ZNF521: variants seen among roughly 807,000 people sequenced by gnomAD.
ZNF521 encodes the protein LYST-interacting protein 3.
A neutral mutation model predicts 105.5 loss-of-function variants in ZNF521; 14 were observed. The observed-to-expected ratio is 0.13, with a 90% CI of 0.09 to 0.21. The LOEUF (loss-of-function observed/expected upper bound fraction) is 0.21, where lower values mean the gene tolerates loss of function less well. Among genes scored for constraint, ZNF521 ranks in the 10% least tolerant of loss-of-function variants. The pLI, the probability that ZNF521 is intolerant of heterozygous loss-of-function variation, is 1.00. For synonymous variants in ZNF521, 635 were observed against 606.0 expected, an observed-to-expected ratio of 1.05 and a Z score of -0.70; for missense variants, 1,233 against 1,629.7, an observed-to-expected ratio of 0.76 and a Z score of 4.19.
chr18:25,310,082 ACCT>A (rs1912211753), intron 3 of ZNF521, among the ~76,000 whole-genome samples: 1 of 152,082 alleles, frequency 6.6e-6, no homozygotes, highest in African/African-American at 2.4e-5. Flanking sequence ...CTGAATATCT[ACCT>A]CCTATTCTAG....
chr18:25,325,804 G>A (rs1913184793), intron 2 of ZNF521, among the ~76,000 whole-genome samples: 1 of 152,192 alleles, frequency 6.6e-6, no homozygotes, highest in Non-Finnish European at 1.5e-5. Flanking sequence ...ACAAAAGTAA[G>A]TGGCAGCTTT....
chr18:25,255,733 T>C (rs1908436030), intron 3 of ZNF521, among the ~76,000 whole-genome samples: 1 of 151,892 alleles, frequency 6.6e-6, no homozygotes, highest in African/African-American at 2.4e-5. Context: ...TAACATAGTA[T>C]CAGCTCACAA....
At chr18:25,276,933 A>G (rs1910066890) in intron 3 of ZNF521, among the ~76,000 whole-genome samples, 1 of 152,236 alleles carries the variant, frequency 6.6e-6, no homozygotes, top group Admixed American at 6.5e-5. Context: ...CTATAATCCC[A>G]GCACTTTGGG....
At chr18:25,146,682 A>G (rs2034950839) in intron 5 of ZNF521, among the ~76,000 whole-genome samples, 1 of 152,008 alleles carries the variant, frequency 6.6e-6, no homozygotes, top group African/African-American at 2.4e-5. Context: ...ATTATGCCAT[A>G]TCATTGTTTA....
intron 3 of ZNF521, among the ~76,000 whole-genome samples, chr18:25,248,989 G>T (rs1034535081): frequency 1.3e-5 from 2 of 152,148 alleles, no homozygotes; most frequent in South Asian, 4.1e-4. Context: ...GACTGGTTGT[G>T]ACAGAAACCA....
intron 2 of ZNF521, among the ~76,000 whole-genome samples, chr18:25,341,814 T>C (rs967670697): frequency 8.5e-5 from 13 of 152,160 alleles, no homozygotes; most frequent in South Asian, 2.1e-4. Context: ...GGAAAGTATG[T>C]AGACTCTCAT....
Position 25,226,736 on chromosome 18 carries a change from A to T in ZNF521, c.1182T>A (p.Thr394=), listed in dbSNP as rs1906167204. The change falls in exon 4 of 8, where the codon ACT becomes ACA. Residue 394 remains threonine (T), a synonymous_variant. Transcript: ENST00000361524. This position sits in a 1 kb window ranked among gnomAD's most constrained non-coding sequence, Gnocchi z 4.1. ...CTTTTGCTTGTTTACTCGAGGGACCAGTCATGTCAGGGGTTTGTTGAGCGG... is the reference window on the plus strand; with the variant it reads ...CTTTTGCTTGTTTACTCGAGGGACCTGTCATGTCAGGGGTTTGTTGAGCGG... ...KRAAQQTPDM[T]GPSSKQAKVT... is the part of the protein sequence containing the mutation. The T allele has an allele frequency of 1.9e-6, 3 of 1,614,154 alleles. No individual in the cohort carries two copies. Among genetic ancestry groups the T allele is most frequent in the Non-Finnish European group, 1.7e-6 (2 of 1,180,032 alleles).
chr18:25,265,184 C>T (rs1030007141), intron 3 of ZNF521, among the ~76,000 whole-genome samples: 2 of 152,178 alleles, frequency 1.3e-5, no homozygotes, highest in Admixed American at 6.5e-5. Context: ...GTTCTGAACA[C>T]TCACAAGTTG....
intron 5 of ZNF521, among the ~76,000 whole-genome samples, chr18:25,144,570 T>C (rs4393651): frequency 0.45 from 67,983 of 151,944 alleles, 15,395 homozygotes; most frequent in South Asian, 0.57. Flanking sequence ...TAAATCAAGA[T>C]GCTAACTGAA....
intron 5 of ZNF521, among the ~76,000 whole-genome samples, chr18:25,115,341 C>T (rs2034281297): frequency 6.6e-6 from 1 of 152,160 alleles, no homozygotes; most frequent in Admixed American, 6.5e-5. Flanking sequence ...AATCCTACTG[C>T]TGAAAGGTCT....
chr18:25,267,252 T>A (rs752243874), intron 3 of ZNF521, among the ~76,000 whole-genome samples: 4 of 152,088 alleles, frequency 2.6e-5, no homozygotes, highest in Non-Finnish European at 5.9e-5. Context: ...GCAGGGCATC[T>A]CTGAAAAAAA....
At chr18:25,287,253 G>A (rs1436933313) in intron 3 of ZNF521, among the ~76,000 whole-genome samples, 1 of 152,186 alleles carries the variant, frequency 6.6e-6, no homozygotes, top group Non-Finnish European at 1.5e-5. Context: ...ACTGAGGAGA[G>A]AGCAGCAAAT....
intron 3 of ZNF521, among the ~76,000 whole-genome samples, chr18:25,316,323 TA>T (rs377173156): frequency 0.1 from 9,270 of 90,150 alleles, 472 homozygotes; most frequent in East Asian, 0.19. Flanking sequence ...AAAACGAATT[TA>T]AAAAAAAAAA....
chr18:25,108,197 C>T (rs1267005927), intron 5 of ZNF521, among the ~76,000 whole-genome samples: 1 of 152,176 alleles, frequency 6.6e-6, no homozygotes, highest in East Asian at 1.9e-4. Context: ...GCAAGTATCT[C>T]ATCCAATTGA....
chr18:25,122,454 C>T (rs2034461810), intron 5 of ZNF521, among the ~76,000 whole-genome samples: 1 of 152,066 alleles, frequency 6.6e-6, no homozygotes, highest in African/African-American at 2.4e-5. Context: ...TAAGTATATA[C>T]TATATTCTGA....
At chr18:25,339,688 T>C (rs1914090957) in intron 2 of ZNF521, among the ~76,000 whole-genome samples, 1 of 152,174 alleles carries the variant, frequency 6.6e-6, no homozygotes, top group East Asian at 1.9e-4. Context: ...GTCTACATTG[T>C]AGGTTACGGG....
chr18:25,167,480 C>T (rs1452276105), intron 5 of ZNF521, among the ~76,000 whole-genome samples: 1 of 152,124 alleles, frequency 6.6e-6, no homozygotes, highest in African/African-American at 2.4e-5. Context: ...GACCAAAATT[C>T]TTGAAGAAGG....
chr18:25,288,117 A>G (rs1165648231), intron 3 of ZNF521, among the ~76,000 whole-genome samples: 1 of 152,204 alleles, frequency 6.6e-6, no homozygotes, highest in African/African-American at 2.4e-5. Flanking sequence ...CTACTGGGCA[A>G]CATCAATAAA....
intron 5 of ZNF521, among the ~76,000 whole-genome samples, chr18:25,163,075 C>T (rs2035277797): frequency 6.6e-6 from 1 of 152,088 alleles, no homozygotes; most frequent in African/African-American, 2.4e-5. Context: ...TTCAGGATTG[C>T]ATAGCTAGTT....
Sources: allele counts gnomAD v4.1 joint callset (sites outside exome capture counted in the v4.1 genomes callset), GRCh38; gene constraint gnomAD v4.1.1; non-coding constraint Gnocchi (gnomAD v3.1); transcripts MANE v1.5; gene names NCBI Gene and HGNC (gene_info 2026-07-23, HGNC 2026-07-21).